LRRC37A2: variants seen among roughly 807,000 people sequenced by gnomAD.
LRRC37A2 encodes leucine rich repeat containing 37 member A2, also known as leucine-rich repeat-containing protein 37A2.
Under a neutral mutation model 68.8 loss-of-function variants are expected in LRRC37A2, and 9 were observed. The ratio of observed to expected loss-of-function variants is 0.13; its 90% CI spans 0.08 to 0.23. The LOEUF (loss-of-function observed/expected upper bound fraction) is 0.23, where lower values mean the gene tolerates loss of function less well. Ranked by LOEUF, LRRC37A2 falls within the 10% of genes least tolerant of loss-of-function variation. LRRC37A2 has a pLI of 1.00. For synonymous variants in LRRC37A2, 63 were observed against 367.6 expected (o/e 0.17, Z 9.48); for missense variants, 168 against 950.4 (o/e 0.18, Z 10.82).
At chr17:46,469,781 C>T in the LRRC37A2 span, among the ~76,000 whole-genome samples, 1 of 66,226 alleles carries the variant, frequency 1.5e-5, no homozygotes. Flanking sequence ...CTTTTCTTCA[C>T]TGTCAGTCTT....
the LRRC37A2 span, among the ~76,000 whole-genome samples, chr17:46,852,101 C>T: frequency 1.3e-5 from 2 of 152,248 alleles, no homozygotes; most frequent in African/African-American, 4.8e-5. Context: ...CCCTGTCTGC[C>T]GCCATCCTGG....
chr17:46,540,518 GAA>G (rs2055125418), intron 7 of LRRC37A2, among the ~76,000 whole-genome samples: 2 of 148,346 alleles, frequency 1.3e-5, no homozygotes, highest in Non-Finnish European at 3.0e-5. Context: ...AAGCAAAGGG[GAA>G]AAGGTGTTCA....
the LRRC37A2 span, among the ~76,000 whole-genome samples, chr17:46,857,378 G>C: frequency 6.6e-6 from 1 of 151,686 alleles, no homozygotes; most frequent in Admixed American, 6.6e-5. Context: ...AGGAGGCTGA[G>C]GCAGGAGAAT....
At chr17:46,388,394 C>CA in the LRRC37A2 span, among the ~76,000 whole-genome samples, 472 of 44,616 alleles carry the variant, frequency 0.011, 3 homozygotes, top group South Asian at 0.03. Flanking sequence ...ACTAAAAATA[C>CA]AAAAAAAAAA....
At chr17:46,824,109 C>A in the LRRC37A2 span, among the ~76,000 whole-genome samples, 2 of 152,190 alleles carry the variant, frequency 1.3e-5, no homozygotes, top group African/African-American at 4.8e-5. Context: ...ATGTCCCCTT[C>A]CAAGACCCAC....
chr17:46,837,067 C>T, the LRRC37A2 span, among the ~76,000 whole-genome samples: 1 of 152,108 alleles, frequency 6.6e-6, no homozygotes, highest in Non-Finnish European at 1.5e-5. Flanking sequence ...CTCAGCCTCC[C>T]AAGTAGCTAG....
chr17:46,822,108 C>G, the LRRC37A2 span, among the ~76,000 whole-genome samples: 6 of 152,218 alleles, frequency 3.9e-5, no homozygotes, highest in African/African-American at 1.4e-4. Context: ...GGGCCGAAGG[C>G]CTAACACCAC....
At chr17:46,811,434 GC>G in the LRRC37A2 span, among the ~76,000 whole-genome samples, 1 of 152,178 alleles carries the variant, frequency 6.6e-6, no homozygotes, top group African/African-American at 2.4e-5. Flanking sequence ...GGCCGTGCCT[GC>G]TGGCAGAACC....
intron 6 of LRRC37A2, among the ~76,000 whole-genome samples, chr17:46,535,040 C>G (rs1179244892): frequency 6.7e-6 from 1 of 149,480 alleles, no homozygotes; most frequent in Non-Finnish European, 1.5e-5. Flanking sequence ...TCCTCACATC[C>G]CAGACGGGCA....
the LRRC37A2 span, among the ~76,000 whole-genome samples, chr17:47,036,254 T>G: frequency 6.6e-6 from 1 of 152,214 alleles, no homozygotes; most frequent in Non-Finnish European, 1.5e-5. Flanking sequence ...TTAAAAAGGT[T>G]CAGTGTTTGG....
At chr17:46,905,336 A>G in the LRRC37A2 span, among the ~76,000 whole-genome samples, 1 of 152,138 alleles carries the variant, frequency 6.6e-6, no homozygotes, top group Non-Finnish European at 1.5e-5. Flanking sequence ...TCGGCCTCCC[A>G]AAGTGCTGGG....
the LRRC37A2 span, among the ~76,000 whole-genome samples, chr17:46,501,739 A>G: frequency 6.6e-6 from 1 of 151,166 alleles, no homozygotes; most frequent in African/African-American, 2.5e-5. Context: ...TCACCTTTCC[A>G]TTTTCAAGGA....
the LRRC37A2 span, among the ~76,000 whole-genome samples, chr17:46,884,002 C>T: frequency 1.3e-5 from 2 of 152,074 alleles, no homozygotes; most frequent in Non-Finnish European, 2.9e-5. Flanking sequence ...CCTGCCCCAC[C>T]GTCCTCCCGC....
the LRRC37A2 span, among the ~76,000 whole-genome samples, chr17:46,712,346 A>C: frequency 6.6e-6 from 1 of 152,168 alleles, no homozygotes; most frequent in Admixed American, 6.6e-5. Flanking sequence ...TCAGTCCTCC[A>C]AGGGTAGATG....
the LRRC37A2 span, among the ~76,000 whole-genome samples, chr17:46,824,324 C>T: frequency 1.3e-5 from 2 of 152,216 alleles, no homozygotes; most frequent in Admixed American, 1.3e-4. Context: ...TCTTGGCTCA[C>T]TGCAGCATCC....
the LRRC37A2 span, among the ~76,000 whole-genome samples, chr17:47,012,604 G>A: frequency 1.3e-5 from 2 of 152,168 alleles, no homozygotes; most frequent in East Asian, 3.9e-4. Flanking sequence ...GATATACAAT[G>A]GCCAATAAGC....
At chr17:46,787,226 C>A in the LRRC37A2 span, among the ~76,000 whole-genome samples, 1 of 151,750 alleles carries the variant, frequency 6.6e-6, no homozygotes, top group Non-Finnish European at 1.5e-5. Flanking sequence ...CAGGTGTGAG[C>A]CAGCGTGCCC....
the LRRC37A2 span, chr17:46,937,423 A>G: frequency 6.6e-6 from 1 of 152,194 alleles, no homozygotes; most frequent in Admixed American, 6.5e-5. Flanking sequence ...AAAATATTCT[A>G]ATTTTAAGTA....
the LRRC37A2 span, among the ~76,000 whole-genome samples, chr17:46,751,057 T>TA: frequency 6.6e-6 from 1 of 152,296 alleles, no homozygotes; most frequent in South Asian, 2.1e-4. Context: ...TAAAGCTTCT[T>TA]AAAGTCCTCA....
Sources: allele counts gnomAD v4.1 joint callset (sites outside exome capture counted in the v4.1 genomes callset), GRCh38; gene constraint gnomAD v4.1.1; transcripts MANE v1.5; gene names NCBI Gene and HGNC (gene_info 2026-07-23, HGNC 2026-07-21).